The following FNDC8 variants were observed in gnomAD, a reference collection of about 807,000 sequenced individuals.
FNDC8 encodes the protein fibronectin type III domain containing 8, also known as fibronectin type III domain-containing protein 8.
In FNDC8, 23 loss-of-function variants were observed where a neutral mutation model predicts 24.8. The observed-to-expected ratio is 0.93, with a 90% CI of 0.67 to 1.31. FNDC8 has a LOEUF of 1.31. FNDC8 is among the 40% of genes most tolerant of loss of function. The probability of loss-of-function intolerance (pLI) is 0.00; values close to 1 mark genes in which losing one functional copy is unlikely to be tolerated. For missense variants in FNDC8, 371 were observed against 398.2 expected (o/e 0.93, Z 0.58); for synonymous variants, 158 against 165.3 (o/e 0.96, Z 0.34).
At chr17:35,127,639 G>T (rs917800858) in intron 2 of FNDC8, among the ~76,000 whole-genome samples, 1 of 152,244 alleles carries the variant, frequency 6.6e-6, no homozygotes, top group Non-Finnish European at 1.5e-5. Context: ...CAGAGGGAAA[G>T]ATATTTCCAG....
At chr17:35,122,017 C>G in intron 1 of FNDC8, 115 bp downstream of exon 1, 1 of 771,362 alleles carries the variant, frequency 1.3e-6, no homozygotes, top group Non-Finnish European at 2.0e-6. Context: ...CAGGATCTTG[C>G]TTTGTCACCC....
chr17:35,129,101 C>A, intron 2 of FNDC8: 1 of 257,876 alleles, frequency 3.9e-6, no homozygotes, highest in Non-Finnish European at 7.6e-6. Context: ...CACCAATCTC[C>A]TCCTGCTGTG....
intron 1 of FNDC8, among the ~76,000 whole-genome samples, chr17:35,122,474 G>A (rs1320734521): frequency 6.6e-6 from 1 of 151,782 alleles, no homozygotes; most frequent in African/African-American, 2.4e-5. Flanking sequence ...ATGTATTCCT[G>A]AGCCCCAAAT....
chr17:35,129,974 T>C (rs2091866533), intron 3 of FNDC8: 2 of 1,369,300 alleles, frequency 1.5e-6, no homozygotes, highest in Non-Finnish European at 1.9e-6. Flanking sequence ...GTCAAGGGCA[T>C]TGAAAGAAAT....
rs747729554 is a variant in FNDC8 at position 35,121,919 on chromosome 17, GTCCCTCCC to G, written c.209+39_209+46del. 29 of 1,578,572 alleles carry G rather than the reference GTCCCTCCC, an allele frequency of 1.8e-5. No homozygotes were observed. The highest frequency in any genetic ancestry group is 4.6e-5 in the East Asian group (2 of 43,924). ...CAACCTACTGTAAGTCACAAATCTGGTCCCTCCCTCCCTCCCTCCCTCCCTCCCTTCCT... is the reference window on the plus strand; with the variant it reads ...CAACCTACTGTAAGTCACAAATCTGGTCCCTCCCTCCCTCCCTCCCTTCCT... On this transcript the variant is annotated intron_variant, in intron 1 of 3. Transcript: ENST00000158009.
intron 2 of FNDC8, among the ~76,000 whole-genome samples, chr17:35,127,939 G>C (rs898797910): frequency 6.6e-6 from 1 of 152,194 alleles, no homozygotes; most frequent in African/African-American, 2.4e-5. Context: ...ATTTGCATTA[G>C]TAACAGATTC....
intron 2 of FNDC8, among the ~76,000 whole-genome samples, 160 bp downstream of exon 2, chr17:35,127,577 A>G (rs1432859916): frequency 2.0e-5 from 3 of 152,252 alleles, no homozygotes; most frequent in Non-Finnish European, 4.4e-5. Context: ...AGTGCAAGAC[A>G]GAAAGGGTTC....
chr17:35,128,928 A>G (rs1597884466), intron 2 of FNDC8: 1 of 166,602 alleles, frequency 6.0e-6, no homozygotes, highest in East Asian at 1.7e-4. Flanking sequence ...TTAGATTCTC[A>G]TAAGGAGCAT....
chr17:35,129,295 C>A (rs2091861961), intron 2 of FNDC8, 127 bp from the exon 3 acceptor site: 11 of 1,251,136 alleles, frequency 8.8e-6, no homozygotes, highest in Non-Finnish European at 1.2e-5. Flanking sequence ...CACCTTCCAT[C>A]TGACCTGCCT....
intron 1 of FNDC8, among the ~76,000 whole-genome samples, chr17:35,126,393 T>C (rs72823673): frequency 0.024 from 3,597 of 152,310 alleles, 61 homozygotes; most frequent in Middle Eastern, 0.041. Context: ...ATCTTTGTGG[T>C]TATTCCCTGG....
Position 35,121,893 on chromosome 17 carries a change from T to C in FNDC8, c.200T>C (p.Ile67Thr). ...NLVNFLEDDT[I>T]NLLKPLPVED... Reference sequence around the variant, plus strand: ...GTCAACTTCTTGGAGGATGATACCATCAACCTACTGTAAGTCACAAATCTG... The same window carrying C: ...GTCAACTTCTTGGAGGATGATACCACCAACCTACTGTAAGTCACAAATCTG... Residue 67 changes from isoleucine (I) to threonine (T), a missense_variant, in exon 1 of 4, where the codon ATC (isoleucine) becomes ACC (threonine). Physicochemically the swap from Ile to Thr is moderately conservative, Grantham distance 89. Transcript: ENST00000158009. 1 of 1,612,266 alleles carries C rather than the reference T, an allele frequency of 6.2e-7. No homozygotes were observed. Among genetic ancestry groups the C allele is most frequent in the South Asian group, 1.1e-5 (1 of 90,996 alleles).
Position 35,130,264 on chromosome 17 carries a change from T to A in FNDC8, c.823-18T>A, listed in dbSNP as rs751842705. On this transcript the variant is annotated intron_variant, in intron 3 of 3. Transcript: ENST00000158009. ...GATCTGGGAAGGAACTCTGAAGGGT[T>A]TTCTTGTTTCACTTCAGTTTGCAAC... 6.2e-7 allele frequency: 1 copy of A among 1,612,170 alleles called. No individual in the cohort carries two copies. Among genetic ancestry groups the A allele is most frequent in the Non-Finnish European group, 8.5e-7 (1 of 1,178,930 alleles).
In FNDC8 at chr17:35,129,406, C is replaced by A. The variant is rs550171388; in HGVS notation, c.586-16C>A. ...GGACATATCTGAGGAAGCCTCGGGG[C>A]TCTCTCTTCCCCTAGATTTCCTGGA... On this transcript the variant is annotated splice_polypyrimidine_tract_variant and intron_variant, in intron 2 of 3. Coordinates refer to ENST00000158009, the MANE Select transcript of FNDC8 (RefSeq NM_017559.4). 6.2e-7 allele frequency: 1 copy of A among 1,610,968 alleles called. No homozygotes were observed. The highest frequency in any genetic ancestry group is 8.5e-7 in the Non-Finnish European group (1 of 1,177,662).
chr17:35,126,119 G>T lies in FNDC8; in HGVS notation c.210-923G>T, dbSNP rs141442180. Among the ~76,000 whole-genome samples, 313 of 152,046 alleles carry T rather than the reference G, an allele frequency of 2.1e-3. 1 individual carries two copies. Among genetic ancestry groups the T allele is most frequent in the African/African-American group, 7.3e-3 (304 of 41,502 alleles). On this transcript the variant is annotated intron_variant, in intron 1 of 3. Transcript: ENST00000158009. ...GTATTTTTAGTAGAGTCAAGGTTTC[G>T]CTATGTTGGCCAGGCTGGTCTTGAA...
intron 1 of FNDC8, among the ~76,000 whole-genome samples, chr17:35,125,172 C>T (rs754204230): frequency 6.6e-6 from 1 of 151,804 alleles, no homozygotes; most frequent in African/African-American, 2.4e-5. Flanking sequence ...CCATATAGGC[C>T]GGGCACAGTG....
chr17:35,129,205 C>T, intron 2 of FNDC8: 2 of 596,992 alleles, frequency 3.4e-6, no homozygotes, highest in South Asian at 2.0e-5. Flanking sequence ...TGAGGGTGTA[C>T]CCTAAAGTGG....
rs1411464938 is a variant in FNDC8, at chr17:35,129,848, G to A, written c.822+190G>A. 3.5e-6 allele frequency: 5 copies of A among 1,425,876 alleles called. No homozygotes were observed. The African/African-American group carries it at 7.2e-5, about 21-fold the overall frequency. 88.3% of individuals were successfully genotyped at this position (1,425,876 alleles called of 1,614,324 possible). On this transcript the variant is annotated intron_variant, in intron 3 of 3. Coordinates refer to ENST00000158009, the MANE Select transcript of FNDC8 (RefSeq NM_017559.4). ...GGTTTAAGGATTAAGCCACTCTGGG[G>A]CCCACTAGGAATGCAAACGAATGTA...
intron 1 of FNDC8, among the ~76,000 whole-genome samples, chr17:35,124,841 A>G (rs1447671860): frequency 6.6e-6 from 1 of 152,014 alleles, no homozygotes; most frequent in Non-Finnish European, 1.5e-5. Flanking sequence ...TGAGGTCAGG[A>G]GTTCGAGACC....
intron 3 of FNDC8, chr17:35,129,923 ACT>A (rs2091866264): frequency 2.9e-6 from 4 of 1,387,102 alleles, no homozygotes; most frequent in Admixed American, 3.0e-5. Flanking sequence ...TGGTTTTTAG[ACT>A]CTGCAATTCA....
Sources: allele counts gnomAD v4.1 joint callset (sites outside exome capture counted in the v4.1 genomes callset), GRCh38; gene constraint gnomAD v4.1.1; transcripts MANE v1.5; gene names NCBI Gene and HGNC (gene_info 2026-07-23, HGNC 2026-07-21).